SMYD4: variants seen among roughly 807,000 people sequenced by gnomAD.
The protein encoded by SMYD4 is SET and MYND domain containing 4.
In SMYD4, 68 loss-of-function variants were observed where a neutral mutation model predicts 72.8. That is an observed-to-expected ratio of 0.93 (90% CI 0.77 to 1.14). The LOEUF is 1.14. Ranked by LOEUF, SMYD4 falls within the 50% of genes most tolerant of loss-of-function variation. The pLI is 0.00. For synonymous variants in SMYD4, 407 were observed against 388.6 expected (o/e 1.05, Z -0.56); for missense variants, 984 against 1,003.7 (o/e 0.98, Z 0.27).
intron 7 of SMYD4, 65 bp downstream of exon 7, chr17:1,786,745 C>A (rs1294870356): frequency 9.4e-6 from 15 of 1,599,204 alleles, no homozygotes; most frequent in Non-Finnish European, 1.3e-5. Flanking sequence ...CTCCTAAACA[C>A]TGATCACCCT....
intron 10 of SMYD4, chr17:1,782,806 G>A (rs559048213): frequency 1.0e-3 from 293 of 292,560 alleles, no homozygotes; most frequent in Non-Finnish European, 1.5e-3. Context: ...TCGCTCTGTC[G>A]CCCAGGCTAC....
At position 1,784,596 on chromosome 17, in the gene SMYD4, A is replaced by G. The variant is rs1252009048; in HGVS notation, c.1885-135T>C. Reference sequence around the variant, plus strand: ...ACTCCTGTAACAATACATCGTGACGAAAGTCTGAGCGAATTTTGTTTGATG... The same window carrying G: ...ACTCCTGTAACAATACATCGTGACGGAAGTCTGAGCGAATTTTGTTTGATG... On this transcript the variant is annotated intron_variant, in intron 7 of 10. Coordinates refer to ENST00000305513, the MANE Select transcript of SMYD4 (RefSeq NM_052928.3). 4.1e-6 allele frequency: 6 copies of G among 1,472,484 alleles called. No homozygotes were observed. The African/African-American group carries it at 4.2e-5, about 10-fold the overall frequency. 91.2% of individuals were successfully genotyped at this position (1,472,484 alleles called of 1,614,324 possible). A position where few individuals can be genotyped will look rare whatever the true frequency, so the allele number is the denominator to read the frequency against.
In SMYD4 at chr17:1,780,549, G is replaced by GCAGAACCCACACCTGACCCA. The variant is rs1908308364; in HGVS notation, c.*736_*737insTGGGTCAGGTGTGGGTTCTG. 1 of 148,130 alleles carries GCAGAACCCACACCTGACCCA rather than the reference G, an allele frequency of 6.8e-6. No individual in the cohort carries two copies. The highest frequency in any genetic ancestry group is 6.8e-5 in the Admixed American group (1 of 14,696). The allele number at this position is 148,130 out of a possible 1,614,324, so 9.2% of individuals were successfully genotyped here. ...CCTACACAGAATCCGCACCTGGTCT[G>GCAGAACCCACACCTGACCCA]CAGAACCCACACCCGACCCACAGAA... On this transcript the variant is annotated 3_prime_UTR_variant, in exon 11 of 11. Coordinates refer to ENST00000305513, the MANE Select transcript of SMYD4 (RefSeq NM_052928.3).
chr17:1,794,650 C>T (rs1464265719), intron 5 of SMYD4, among the ~76,000 whole-genome samples: 1 of 151,444 alleles, frequency 6.6e-6, no homozygotes, highest in Non-Finnish European at 1.5e-5. Flanking sequence ...TTTTGGGGGG[C>T]TGTCATCAGT....
chr17:1,827,320 C>G (rs527409984), intron 2 of SMYD4, among the ~76,000 whole-genome samples: 112 of 146,614 alleles, frequency 7.6e-4, no homozygotes, highest in African/African-American at 2.8e-3. Flanking sequence ...GCCTGGGTGA[C>G]AGAGCGAGAC....
chr17:1,809,608 C>A (rs2151243400), intron 3 of SMYD4, among the ~76,000 whole-genome samples: 1 of 151,332 alleles, frequency 6.6e-6, no homozygotes, highest in East Asian at 2.0e-4. Context: ...AACCCCTGAC[C>A]TTGTGATCCA....
Position 1,811,987 on chromosome 17 carries a change from G to A in SMYD4, c.263C>T (p.Ala88Val), listed in dbSNP as rs112190091. Residue 88 changes from alanine (A) to valine (V), a missense_variant, in exon 3 of 11, where the codon GCA becomes GTA. Coordinates refer to ENST00000305513, the MANE Select transcript of SMYD4 (RefSeq NM_052928.3). ...GTGTTTTACCTTAGAGTACAGCACT[G>A]CAGCTCCTGTGTAATCTTTCTCCTG... ...KFQEKDYTGAAVLYSKGVSHS... is the reference protein window; with the variant it reads ...KFQEKDYTGAVVLYSKGVSHS... The A allele has an allele frequency of 5.2e-3, 8,445 of 1,614,016 alleles. 26 individuals are homozygous for A. The highest frequency in any genetic ancestry group is 6.4e-3 in the Non-Finnish European group (7,498 of 1,179,962).
At chr17:1,801,232 T>C (rs1461708514) in intron 4 of SMYD4, among the ~76,000 whole-genome samples, 1 of 124,762 alleles carries the variant, frequency 8.0e-6, no homozygotes, top group African/African-American at 3.3e-5. Context: ...TTAATGTTTT[T>C]GGATTAAATT....
At chr17:1,821,002 G>A (rs1910858130) in intron 2 of SMYD4, among the ~76,000 whole-genome samples, 1 of 152,140 alleles carries the variant, frequency 6.6e-6, no homozygotes, top group African/African-American at 2.4e-5. Context: ...GTCTGGGTAT[G>A]AATTAGTGAG....
chr17:1,818,954 A>T (rs1363480831), intron 2 of SMYD4, among the ~76,000 whole-genome samples: 1 of 149,348 alleles, frequency 6.7e-6, no homozygotes, highest in Non-Finnish European at 1.5e-5. Flanking sequence ...GGCCAATTAC[A>T]ATTTTTTTAA....
chr17:1,784,047 A>G (rs77670269), intron 8 of SMYD4, among the ~76,000 whole-genome samples: 2,185 of 152,368 alleles, frequency 0.014, 62 homozygotes, highest in African/African-American at 0.05. Context: ...CAGCTCACGG[A>G]TGTCAGCGAT....
intron 2 of SMYD4, among the ~76,000 whole-genome samples, chr17:1,826,036 G>A: frequency 6.6e-6 from 1 of 151,984 alleles, no homozygotes; most frequent in Admixed American, 6.6e-5. Context: ...GGGTAAAAAA[G>A]ATAAACAGAT....
At chr17:1,805,155 G>A (rs1307519075) in intron 3 of SMYD4, among the ~76,000 whole-genome samples, 1 of 152,154 alleles carries the variant, frequency 6.6e-6, no homozygotes, top group Non-Finnish European at 1.5e-5. Flanking sequence ...AGTGGCTCAC[G>A]TCTGTAATTC....
Position 1,784,337 on chromosome 17 carries a change from T to C in SMYD4, c.2009A>G (p.Asp670Gly), listed in dbSNP as rs149355997. 5.0e-6 allele frequency: 8 copies of C among 1,614,200 alleles called. No individual in the cohort carries two copies. Among genetic ancestry groups the C allele is most frequent in the Non-Finnish European group, 6.8e-6 (8 of 1,180,036 alleles). Reference sequence around the variant, plus strand: ...GGAGCCAGTCTCACCTAGTTCACCATCTCTGAGAAGCTTCTGGGCCACTCT... The same window carrying C: ...GGAGCCAGTCTCACCTAGTTCACCACCTCTGAGAAGCTTCTGGGCCACTCT... ...QVRVAQKLLR[D>G]GELERAVQRL... The change falls in exon 8 of 11, where the codon GAT becomes GGT. Residue 670 changes from aspartate to glycine, a missense_variant. By Grantham distance (94) the Asp-to-Gly change is moderately conservative. Transcript: ENST00000305513.
chr17:1,806,305 T>C (rs886684011), intron 3 of SMYD4, among the ~76,000 whole-genome samples: 1 of 152,120 alleles, frequency 6.6e-6, no homozygotes, highest in Admixed American at 6.6e-5. Context: ...CCAGAAGTTA[T>C]CAAAGGTTAA....
chr17:1,809,028 C>T (rs1264715565), intron 3 of SMYD4, among the ~76,000 whole-genome samples: 3 of 152,174 alleles, frequency 2.0e-5, no homozygotes, highest in Non-Finnish European at 2.9e-5. Flanking sequence ...GGATGTACAC[C>T]CTTCAAATGA....
At position 1,800,154 on chromosome 17, in the gene SMYD4, T is replaced by C. The variant is rs1909638671; in HGVS notation, c.1240A>G (p.Ile414Val). 1.2e-6 allele frequency: 2 copies of C among 1,610,900 alleles called. No individual in the cohort carries two copies. Among genetic ancestry groups the C allele is most frequent in the Non-Finnish European group, 1.7e-6 (2 of 1,177,974 alleles). ...IVETPIPGCDINGKYENNYNA... is the reference protein window; with the variant it reads ...IVETPIPGCDVNGKYENNYNA... Reference sequence around the variant, plus strand: ...TAATTATTTTCATACTTCCCATTAATATCGCATCCAGGAATTGGGGTCTCA... The same window carrying C: ...TAATTATTTTCATACTTCCCATTAACATCGCATCCAGGAATTGGGGTCTCA... Residue 414 changes from isoleucine to valine, a missense_variant, in exon 5 of 11, where the codon ATT becomes GTT. Physicochemically the swap from Ile to Val is conservative, Grantham distance 29 (BLOSUM62 3). Coordinates refer to ENST00000305513, the MANE Select transcript of SMYD4 (RefSeq NM_052928.3).
In SMYD4 at chr17:1,789,105, A is replaced by AGGCT. The variant is rs1303094090; in HGVS notation, c.1538-1505_1538-1502dup. ...AGGAATCTCAAAAAAACCACTCACCAGGCTGGGCATGGTGGCTCATGCCTG... is the reference window on the plus strand; with the variant it reads ...AGGAATCTCAAAAAAACCACTCACCAGGCTGGCTGGGCATGGTGGCTCATGCCTG... On this transcript the variant is annotated intron_variant, in intron 5 of 10. Transcript: ENST00000305513. 5.9e-5 allele frequency among the ~76,000 whole-genome samples: 9 copies of AGGCT among 152,114 alleles called. No homozygotes were observed. In the East Asian group the frequency reaches 1.7e-3, roughly 29 times the overall value.
chr17:1,781,178 C>G lies in SMYD4; in HGVS notation c.*108G>C. On this transcript the variant is annotated 3_prime_UTR_variant, in exon 11 of 11. Transcript: ENST00000305513. ...TCAGGTGATCCGCCCACCTTAGCCT[C>G]CCAAAGTGCTGGGATTACAGGCGTG... 1 of 1,427,612 alleles carries G rather than the reference C, an allele frequency of 7.0e-7. No homozygotes were observed. Among genetic ancestry groups the G allele is most frequent in the East Asian group, 2.4e-5 (1 of 41,964 alleles). 88.4% of individuals were successfully genotyped at this position (1,427,612 alleles called of 1,614,324 possible).
Sources: allele counts gnomAD v4.1 joint callset (sites outside exome capture counted in the v4.1 genomes callset), GRCh38; gene constraint gnomAD v4.1.1; transcripts MANE v1.5; gene names NCBI Gene and HGNC (gene_info 2026-07-23, HGNC 2026-07-21).